NSD1: variants seen among roughly 807,000 people sequenced by gnomAD.
NSD1 encodes the protein nuclear receptor binding SET domain protein 1.
In NSD1, 26 loss-of-function variants were observed where a neutral mutation model predicts 242.7. That is an observed-to-expected ratio of 0.11 (90% CI 0.08 to 0.15). The LOEUF is 0.15. Ranked by LOEUF, NSD1 falls within the 10% of genes least tolerant of loss-of-function variation. The pLI is 1.00. For missense variants in NSD1, 2,495 were observed against 3,272.8 expected (o/e 0.76, Z 5.80); for synonymous variants, 1,106 against 1,178.1 (o/e 0.94, Z 1.25).
At position 177,194,195 on chromosome 5, in the gene NSD1, A is replaced by C. The variant is rs144112677; in HGVS notation, c.1063+2176A>C. On this transcript the variant is annotated intron_variant, in intron 3 of 22. Transcript: ENST00000439151. ...GTCTTTCCTTTATCACAAACAGAAC[A>C]TTGTATATTTTGCAGCTTGCCTTTT... 1.9e-3 allele frequency among the ~76,000 whole-genome samples: 296 copies of C among 152,138 alleles called. 1 individual carries two copies. The highest frequency in any genetic ancestry group is 6.6e-3 in the African/African-American group (272 of 41,508).
intron 14 of NSD1, among the ~76,000 whole-genome samples, chr5:177,264,296 TAGA>T (rs1471673745): frequency 6.6e-6 from 1 of 152,172 alleles, no homozygotes; most frequent in Non-Finnish European, 1.5e-5. Context: ...GCATTCAAAA[TAGA>T]AGACAGATCA....
intron 2 of NSD1, among the ~76,000 whole-genome samples, chr5:177,141,211 G>A (rs1223172065): frequency 3.3e-5 from 5 of 151,008 alleles, no homozygotes; most frequent in East Asian, 2.0e-4. Context: ...TAGTAGAGAC[G>A]GGGTTTCACC....
intron 5 of NSD1, among the ~76,000 whole-genome samples, chr5:177,224,932 C>T (rs1485859883): frequency 6.6e-6 from 1 of 151,830 alleles, no homozygotes; most frequent in Non-Finnish European, 1.5e-5. Context: ...CCCCTTTATT[C>T]TATCCATATG....
intron 9 of NSD1, 92 bp downstream of exon 9, chr5:177,244,362 C>A: frequency 1.1e-6 from 1 of 901,542 alleles, no homozygotes; most frequent in Non-Finnish European, 1.8e-6. Flanking sequence ...TGTGTAAGCC[C>A]GACCAGTGAG....
At chr5:177,251,058 C>T (rs1032205755) in intron 11 of NSD1, among the ~76,000 whole-genome samples, 4 of 152,066 alleles carry the variant, frequency 2.6e-5, no homozygotes, top group South Asian at 2.1e-4. Flanking sequence ...GGCATGGTGG[C>T]GCATGCCTGT....
intron 5 of NSD1, among the ~76,000 whole-genome samples, chr5:177,215,052 A>G (rs1173430773): frequency 6.6e-6 from 1 of 151,962 alleles, no homozygotes; most frequent in Non-Finnish European, 1.5e-5. Context: ...TTTCTTTTCC[A>G]TACTAAAGCA....
intron 8 of NSD1, among the ~76,000 whole-genome samples, chr5:177,242,965 G>A (rs1766003460): frequency 6.6e-6 from 1 of 152,204 alleles, no homozygotes; most frequent in Non-Finnish European, 1.5e-5. Context: ...TTAGTAGTGG[G>A]TGAGGTGAAT....
At chr5:177,273,895 A>G (rs1758141925) in intron 17 of NSD1, 111 bp downstream of exon 17, 1 of 736,110 alleles carries the variant, frequency 1.4e-6, no homozygotes, top group Non-Finnish European at 2.4e-6. Flanking sequence ...TTTTAGGTAG[A>G]GGTATGAGCT....
At chr5:177,250,776 GTT>G (rs1412513855) in intron 11 of NSD1, among the ~76,000 whole-genome samples, 1 of 152,138 alleles carries the variant, frequency 6.6e-6, no homozygotes, top group Non-Finnish European at 1.5e-5. Context: ...AAGCTGTCCT[GTT>G]TTTTATTTAA....
At chr5:177,201,852 C>T (rs1185157878) in intron 3 of NSD1, among the ~76,000 whole-genome samples, 1 of 151,726 alleles carries the variant, frequency 6.6e-6, no homozygotes, top group East Asian at 2.0e-4. Flanking sequence ...AGCCATCCCA[C>T]CTGGCCAAAC....
chr5:177,205,879 T>A (rs1007546940), intron 4 of NSD1, among the ~76,000 whole-genome samples: 4 of 152,190 alleles, frequency 2.6e-5, no homozygotes, highest in African/African-American at 9.7e-5. Flanking sequence ...GCTAGAGTGC[T>A]GTTGCACAGT....
intron 8 of NSD1, among the ~76,000 whole-genome samples, chr5:177,243,933 T>TCCAC (rs1581423042): frequency 1.3e-5 from 2 of 152,302 alleles, no homozygotes; most frequent in East Asian, 3.9e-4. Context: ...CCTCAGGTGA[T>TCCAC]CCACCCGCCT....
chr5:177,137,442 T>G (rs1756432160), intron 2 of NSD1: 1 of 152,224 alleles, frequency 6.6e-6, no homozygotes, highest in South Asian at 2.1e-4. Context: ...AGGGAGAATG[T>G]GGGTGTGTCA....
At chr5:177,158,699 G>A (rs1276250328) in intron 2 of NSD1, among the ~76,000 whole-genome samples, 2 of 150,840 alleles carry the variant, frequency 1.3e-5, no homozygotes, top group Non-Finnish European at 2.9e-5. Context: ...ATTTTAGCCT[G>A]TAATCCCAGC....
chr5:177,190,256 C>T (rs2149818826), intron 2 of NSD1, among the ~76,000 whole-genome samples: 1 of 152,186 alleles, frequency 6.6e-6, no homozygotes, highest in Middle Eastern at 3.4e-3. Flanking sequence ...CAGCATCTGG[C>T]CCCCTTAGGG....
At chr5:177,161,100 TG>T (rs1199443234) in intron 2 of NSD1, among the ~76,000 whole-genome samples, 2 of 152,040 alleles carry the variant, frequency 1.3e-5, no homozygotes, top group African/African-American at 4.8e-5. Context: ...AAGTTGAGTA[TG>T]GGCCAGGCAT....
intron 2 of NSD1, among the ~76,000 whole-genome samples, chr5:177,158,216 C>CTTTA (rs1211537588): frequency 6.6e-6 from 1 of 151,606 alleles, no homozygotes; most frequent in African/African-American, 2.4e-5. Context: ...TACAGTCCTA[C>CTTTA]TTTAGCCTAT....
chr5:177,291,539 G>A (rs997841498), intron 21 of NSD1, among the ~76,000 whole-genome samples: 1 of 152,116 alleles, frequency 6.6e-6, no homozygotes, highest in Non-Finnish European at 1.5e-5. Context: ...TGTAATCCCA[G>A]CTACTCAGGA....
Position 177,135,355 on chromosome 5 carries a change from A to G in NSD1, c.252A>G (p.Val84=). The change falls in exon 2 of 23, where the codon GTA becomes GTG. Residue 84 remains valine (V), a synonymous_variant. Transcript: ENST00000439151. ...RLQDLASMIN[V]EYLNGSADGS... ...AGGATTTGGCCTCCATGATCAATGT[A>G]GAGTATTTAAATGGGTCTGCTGATG... 6.2e-7 allele frequency: 1 copy of G among 1,612,484 alleles called. No homozygotes were observed. The highest frequency in any genetic ancestry group is 8.5e-7 in the Non-Finnish European group (1 of 1,178,530).
Sources: gnomAD v4.1 joint callset for allele counts (sites outside exome capture counted in the v4.1 genomes callset) on GRCh38, gnomAD v4.1.1 for gene constraint, MANE v1.5 for transcripts, NCBI Gene and HGNC (gene_info 2026-07-23, HGNC 2026-07-21) for gene names.